MYBPC1: variants seen among roughly 807,000 people sequenced by gnomAD.
MYBPC1 encodes myosin-binding protein C, slow-type.
A neutral mutation model predicts 147.1 loss-of-function variants in MYBPC1; 52 were observed. The ratio of observed to expected loss-of-function variants is 0.35; its 90% CI spans 0.28 to 0.45. The LOEUF is 0.45. MYBPC1 is among the 20% of genes least tolerant of loss of function. The pLI is 1.00. For synonymous variants in MYBPC1, 477 were observed against 475.9 expected (o/e 1.00, Z -0.03); for missense variants, 1,228 against 1,440.3 (o/e 0.85, Z 2.39).
At position 101,632,133 on chromosome 12, in the gene MYBPC1, T is replaced by C; in HGVS notation, c.551T>C (p.Val184Ala). 1 of 1,605,948 alleles carries C rather than the reference T, an allele frequency of 6.2e-7. No homozygotes were observed. Among genetic ancestry groups the C allele is most frequent in the Non-Finnish European group, 8.5e-7 (1 of 1,172,538 alleles). Residue 184 changes from valine (V) to alanine (A), a missense_variant, in exon 8 of 32, where the codon GTG becomes GCG. Around this residue, in one of 2 missense-constraint regions of MYBPC1, gnomAD observed 1,077 missense variants for 1,314.2 expected, o/e 0.82. Transcript: ENST00000361466. ...GACAGCTGTTCATTTGATCTTGAAGTGCACGGTAAGAGAGCCTTCTTGCCT... is the reference window on the plus strand; with the variant it reads ...GACAGCTGTTCATTTGATCTTGAAGCGCACGGTAAGAGAGCCTTCTTGCCT... ...KFDSCSFDLE[V>A]HESTGTTPNI...
At chr12:101,651,012 G>T (rs929469652) in intron 15 of MYBPC1, 17 of 560,192 alleles carry the variant, frequency 3.0e-5, no homozygotes, top group African/African-American at 3.0e-4. Flanking sequence ...GGTCATTTCA[G>T]CTGGATGCAA....
At chr12:101,614,288 T>C (rs1409563630) in intron 1 of MYBPC1, among the ~76,000 whole-genome samples, 2 of 152,078 alleles carry the variant, frequency 1.3e-5, no homozygotes, top group Non-Finnish European at 2.9e-5. Context: ...CATGTATGTC[T>C]TGGGCCTCTT....
intron 21 of MYBPC1, 90 bp from the exon 22 acceptor site, chr12:101,663,336 T>C: frequency 1.7e-6 from 2 of 1,173,842 alleles, no homozygotes; most frequent in Non-Finnish European, 1.3e-6. Flanking sequence ...GTGTCTATTT[T>C]TATTTGTATC....
At position 101,662,589 on chromosome 12, in the gene MYBPC1, C is replaced by T. The variant is rs1334203912; in HGVS notation, c.2221+43C>T. On this transcript the variant is annotated intron_variant, in intron 21 of 31. Transcript: ENST00000361466. ...AGTCTTTGTCATCAGAATCATTGCC[C>T]CAGAGTATGACTGCTTTCTCTCTGA... 3.7e-6 allele frequency: 6 copies of T among 1,600,046 alleles called. No individual in the cohort carries two copies. In the African/African-American group the frequency reaches 6.7e-5, roughly 18 times the overall value.
At chr12:101,670,123 CCACACACACACA>C (rs58177042) in intron 23 of MYBPC1, among the ~76,000 whole-genome samples, 186 bp from the exon 24 acceptor site, 7 of 146,214 alleles carry the variant, frequency 4.8e-5, no homozygotes, top group East Asian at 2.0e-4. Context: ...TGTGTGGAAA[CCACACACACACA>C]CACACACACA....
intron 6 of MYBPC1, among the ~76,000 whole-genome samples, chr12:101,629,830 G>A (rs961341744): frequency 2.0e-5 from 3 of 151,434 alleles, no homozygotes; most frequent in East Asian, 1.9e-4. Context: ...CCGAGATCGC[G>A]CCACTGCATT....
At chr12:101,664,781 A>G (rs575480636) in intron 22 of MYBPC1, among the ~76,000 whole-genome samples, 3 of 152,318 alleles carry the variant, frequency 2.0e-5, no homozygotes, top group Admixed American at 2.0e-4. Flanking sequence ...AAAGCCACTA[A>G]CCAAAAGCAG....
chr12:101,605,383 G>C (rs1037789912), intron 1 of MYBPC1, among the ~76,000 whole-genome samples: 3 of 152,146 alleles, frequency 2.0e-5, no homozygotes, highest in Non-Finnish European at 2.9e-5. Flanking sequence ...TTTCCAAAGA[G>C]ATTTGCAATA....
At chr12:101,670,123 C>CCACACACACACACACACACACA (rs58177042) in intron 23 of MYBPC1, among the ~76,000 whole-genome samples, 198 bp from the exon 24 acceptor site, 1 of 146,214 alleles carries the variant, frequency 6.8e-6, no homozygotes, top group Non-Finnish European at 1.5e-5. Context: ...TGTGTGGAAA[C>CCACACACACACACACACACACA]CACACACACA....
At position 101,642,433 on chromosome 12, in the gene MYBPC1, A is replaced by G; in HGVS notation, c.680A>G (p.Gln227Arg). ...TCCCCGGTTAGGGAGGTGAAGCAGCAGGAGGAAGAACCCCAGGTGGACGTA... is the reference window on the plus strand; with the variant it reads ...TCCCCGGTTAGGGAGGTGAAGCAGCGGGAGGAAGAACCCCAGGTGGACGTA... ...GLLKRREVKQQEEEPQVDVWE... is the reference protein window; with the variant it reads ...GLLKRREVKQREEEPQVDVWE... Residue 227 changes from glutamine to arginine, a missense_variant, in exon 11 of 32, where the codon CAG (glutamine) becomes CGG (arginine). Gln to Arg is a conservative substitution (Grantham distance 43, BLOSUM62 1). Transcript: ENST00000361466. 6.2e-7 allele frequency: 1 copy of G among 1,614,140 alleles called. No homozygotes were observed. Among genetic ancestry groups the G allele is most frequent in the East Asian group, 2.2e-5 (1 of 44,890 alleles).
chr12:101,673,308 G>A, intron 24 of MYBPC1, 119 bp from the exon 25 acceptor site: 6 of 967,896 alleles, frequency 6.2e-6, no homozygotes, highest in Non-Finnish European at 9.9e-6. Flanking sequence ...CAGACTAGAA[G>A]GGTGGTATTT....
intron 3 of MYBPC1, among the ~76,000 whole-genome samples, chr12:101,617,699 T>C (rs1169043634): frequency 2.0e-5 from 3 of 152,230 alleles, no homozygotes; most frequent in Non-Finnish European, 4.4e-5. Context: ...TATGTATTCA[T>C]GTAGATTTAT....
At chr12:101,687,882 A>C (rs1411256880), downstream of MYBPC1, among the ~76,000 whole-genome samples, 3 of 152,334 alleles carry the variant, frequency 2.0e-5, no homozygotes, top group African/African-American at 7.2e-5. Context: ...TAGGCTCTTT[A>C]ATTATATTTT....
chr12:101,610,359 G>A (rs1343463648), intron 1 of MYBPC1, among the ~76,000 whole-genome samples: 1 of 152,148 alleles, frequency 6.6e-6, no homozygotes, highest in Non-Finnish European at 1.5e-5. Flanking sequence ...CCACTTTACA[G>A]TAGGGGTATG....
chr12:101,606,638 C>T (rs1882306888), intron 1 of MYBPC1, among the ~76,000 whole-genome samples: 1 of 151,682 alleles, frequency 6.6e-6, no homozygotes, highest in Non-Finnish European at 1.5e-5. Flanking sequence ...CTGTTAAATC[C>T]CAAAGTATAA....
At position 101,663,282 on chromosome 12, in the gene MYBPC1, G is replaced by C. The variant is rs1239599564; in HGVS notation, c.2222-144G>C. 10 of 766,048 alleles carry C rather than the reference G, an allele frequency of 1.3e-5. No individual in the cohort carries two copies. In the East Asian group the frequency reaches 2.5e-4, roughly 19 times the overall value. 47.5% of individuals were successfully genotyped at this position (766,048 alleles called of 1,614,324 possible). ...AGCTCTTTGCCTTACACACATCCAT[G>C]CTCAAGGTGTCTTAACTGAATTTCA... On this transcript the variant is annotated intron_variant, in intron 21 of 31. Coordinates refer to ENST00000361466, the MANE Select transcript of MYBPC1 (RefSeq NM_002465.4).
chr12:101,657,506 G>A (rs958803473), intron 18 of MYBPC1, among the ~76,000 whole-genome samples: 3 of 152,098 alleles, frequency 2.0e-5, no homozygotes, highest in Non-Finnish European at 4.4e-5. Context: ...AAATGAAAGA[G>A]GGACATTACT....
At chr12:101,686,504 C>A (rs1951349812), downstream of MYBPC1, among the ~76,000 whole-genome samples, 1 of 152,234 alleles carries the variant, frequency 6.6e-6, no homozygotes, top group South Asian at 2.1e-4. Flanking sequence ...ATTAAAAAAT[C>A]TAGCAGCTGA....
chr12:101,652,820 TC>T, intron 17 of MYBPC1, 36 bp downstream of exon 17: 5 of 1,529,028 alleles, frequency 3.3e-6, no homozygotes, highest in Non-Finnish European at 4.5e-6. Context: ...ATAGTTGTGT[TC>T]TTTTTTGTTT....
Sources: gnomAD v4.1 joint callset for allele counts (sites outside exome capture counted in the v4.1 genomes callset) on GRCh38, gnomAD v4.1.1 for gene constraint, gnomAD v4.1.1 regional missense constraint, MANE v1.5 for transcripts, NCBI Gene and HGNC (gene_info 2026-07-23, HGNC 2026-07-21) for gene names.